The following GRM7 variants were observed in gnomAD, a reference collection of about 807,000 sequenced individuals.
GRM7 encodes the protein glutamate metabotropic receptor 7, also known as metabotropic glutamate receptor 7.
Under a neutral mutation model 84.5 loss-of-function variants are expected in GRM7, and 35 were observed. That is an observed-to-expected ratio of 0.41 (90% CI 0.32 to 0.55). The LOEUF is 0.55. GRM7 is among the 20% of genes least tolerant of loss of function. The probability of loss-of-function intolerance (pLI) is 0.19; values close to 1 mark genes in which losing one functional copy is unlikely to be tolerated. For synonymous variants in GRM7, 487 were observed against 455.1 expected (o/e 1.07, Z -0.89); for missense variants, 1,003 against 1,194.6 (o/e 0.84, Z 2.36).
chr3:7,610,447 A>AT (rs1377493921), intron 8 of GRM7, among the ~76,000 whole-genome samples: 1 of 152,166 alleles, frequency 6.6e-6, no homozygotes, highest in East Asian at 1.9e-4. Context: ...GATAGATAGG[A>AT]TTTTTTAATT....
chr3:7,229,747 ATATATATATATATTTTTT>A lies in GRM7; in HGVS notation c.737-68935_737-68918del, dbSNP rs1559514632. Among the ~76,000 whole-genome samples the A allele has an allele frequency of 1.3e-3, 39 of 29,766 alleles. 4 individuals are homozygous for A. Among genetic ancestry groups the A allele is most frequent in the Non-Finnish European group, 4.5e-4 (7 of 15,574 alleles). The allele number at this position is 29,766 out of a possible 152,430, so 19.5% of individuals were successfully genotyped here. A position where few individuals can be genotyped will look rare whatever the true frequency, so the allele number is the denominator to read the frequency against. The stretch of plus-strand genomic sequence containing the variant: ...CACACATATATATATATATATATAT[ATATATATATATATTTTTT>A]TTTTTTTTTGGTTGACAGGTGTTGA... On this transcript the variant is annotated intron_variant, in intron 2 of 9. Transcript: ENST00000357716.
At chr3:7,217,825 ATGTGTGTATATG>A (rs1248988099) in intron 2 of GRM7, among the ~76,000 whole-genome samples, 1 of 150,036 alleles carries the variant, frequency 6.7e-6, no homozygotes, top group African/African-American at 2.4e-5. Flanking sequence ...AGATGTATAG[ATGTGTGTATATG>A]TGTGTGTATA....
rs116359016 is a variant in GRM7 at position 7,646,683 on chromosome 3, T to C, written c.2452-33366T>C. On this transcript the variant is annotated intron_variant, in intron 8 of 9. Coordinates refer to ENST00000357716, the MANE Select transcript of GRM7 (RefSeq NM_000844.4). ...CAGCCACAAACCTTCCTGTGCTTCA[T>C]GGTGATTTTGGGGGGGAAGGTTATA... 3.8e-3 allele frequency among the ~76,000 whole-genome samples: 581 copies of C among 152,254 alleles called. 4 individuals carry two copies. The highest frequency in any genetic ancestry group is 0.013 in the African/African-American group (553 of 41,554).
At chr3:7,702,612 A>G (rs1253863182) in intron 9 of GRM7, among the ~76,000 whole-genome samples, 3 of 152,248 alleles carry the variant, frequency 2.0e-5, no homozygotes, top group African/African-American at 7.2e-5. Context: ...GCAAGTTATA[A>G]TTTCACTTAA....
chr3:7,384,402 C>T (rs921440966), intron 4 of GRM7, among the ~76,000 whole-genome samples: 6 of 152,150 alleles, frequency 3.9e-5, no homozygotes, highest in African/African-American at 1.4e-4. Context: ...CATCCACCAA[C>T]ATTTGGAATC....
At chr3:7,293,549 C>T (rs923422790) in intron 2 of GRM7, among the ~76,000 whole-genome samples, 2 of 152,174 alleles carry the variant, frequency 1.3e-5, no homozygotes, top group Non-Finnish European at 2.9e-5. Flanking sequence ...CCAGTTCTCC[C>T]TACTTGTTCG....
intron 2 of GRM7, among the ~76,000 whole-genome samples, chr3:7,181,664 G>A (rs767824401): frequency 3.1e-4 from 47 of 152,042 alleles, no homozygotes; most frequent in Middle Eastern, 3.4e-3. Context: ...GCTGGAGTGC[G>A]GTGGTGTGAT....
intron 7 of GRM7, among the ~76,000 whole-genome samples, chr3:7,462,140 T>G (rs775254837): frequency 7.2e-5 from 11 of 152,200 alleles, no homozygotes; most frequent in Non-Finnish European, 1.6e-4. Flanking sequence ...ATGTGAGATT[T>G]GTAATGGGAT....
chr3:7,649,188 G>C (rs943361672), intron 8 of GRM7, among the ~76,000 whole-genome samples: 2 of 151,962 alleles, frequency 1.3e-5, no homozygotes, highest in African/African-American at 4.8e-5. Flanking sequence ...TCCTGCCTCA[G>C]CCTCCCGAGT....
At chr3:7,256,540 G>C (rs908737396) in intron 2 of GRM7, among the ~76,000 whole-genome samples, 4 of 152,092 alleles carry the variant, frequency 2.6e-5, no homozygotes, top group African/African-American at 9.7e-5. Flanking sequence ...TCAGGGAGTT[G>C]TTATAGTGAA....
chr3:7,199,144 A>G (rs572494473), intron 2 of GRM7, among the ~76,000 whole-genome samples: 249 of 152,232 alleles, frequency 1.6e-3, no homozygotes, highest in African/African-American at 5.7e-3. Context: ...TGATTCATAG[A>G]AGGTTGTGGA....
At chr3:7,480,008 A>G (rs1202677786) in intron 7 of GRM7, among the ~76,000 whole-genome samples, 2 of 152,196 alleles carry the variant, frequency 1.3e-5, no homozygotes, top group African/African-American at 2.4e-5. Flanking sequence ...TTAGTGCACA[A>G]TGGATACCGC....
At chr3:6,901,863 C>T (rs1182507165) in intron 1 of GRM7, among the ~76,000 whole-genome samples, 1 of 151,766 alleles carries the variant, frequency 6.6e-6, no homozygotes, top group Non-Finnish European at 1.5e-5. Context: ...TTTTTCTAAG[C>T]ATCATAATAT....
rs145125078 is a variant in GRM7, at chr3:6,896,876, G to A, written c.519+34969G>A. On this transcript the variant is annotated intron_variant, in intron 1 of 9. Coordinates refer to ENST00000357716, the MANE Select transcript of GRM7 (RefSeq NM_000844.4). ...CTTCCTCACAAAGAGAATTTATTTC[G>A]TCTTCAACTGTGCTCCAACAATTGT... Among the ~76,000 whole-genome samples, 128 of 152,012 alleles carry A rather than the reference G, an allele frequency of 8.4e-4. 2 individuals are homozygous for A. The highest frequency in any genetic ancestry group is 6.0e-4 in the Non-Finnish European group (41 of 67,988).
At chr3:7,407,210 C>T (rs1695718322) in intron 4 of GRM7, among the ~76,000 whole-genome samples, 2 of 152,170 alleles carry the variant, frequency 1.3e-5, no homozygotes, top group African/African-American at 4.8e-5. Context: ...GCAGGAGCCT[C>T]CACTGTGCGC....
At chr3:7,545,400 G>A (rs955938915) in intron 7 of GRM7, among the ~76,000 whole-genome samples, 1 of 152,168 alleles carries the variant, frequency 6.6e-6, no homozygotes, top group Non-Finnish European at 1.5e-5. Flanking sequence ...CAAGAGTCTA[G>A]TGCTTGCCCC....
intron 2 of GRM7, among the ~76,000 whole-genome samples, chr3:7,179,606 G>C (rs1048234704): frequency 4.6e-5 from 7 of 152,200 alleles, no homozygotes; most frequent in African/African-American, 1.7e-4. Flanking sequence ...ATACTGGAGA[G>C]ACTTGTTTGA....
chr3:7,662,898 A>C (rs1203325613), intron 8 of GRM7, among the ~76,000 whole-genome samples: 1 of 152,210 alleles, frequency 6.6e-6, no homozygotes, highest in Non-Finnish European at 1.5e-5. Flanking sequence ...GTTTCAATTC[A>C]TAGTCATAGG....
intron 2 of GRM7, among the ~76,000 whole-genome samples, chr3:7,159,583 A>G (rs1694559674): frequency 6.6e-6 from 1 of 152,058 alleles, no homozygotes; most frequent in Non-Finnish European, 1.5e-5. Context: ...CATTTTCATC[A>G]TCTCTCCAAA....
Sources: gnomAD v4.1 joint callset for allele counts (sites outside exome capture counted in the v4.1 genomes callset) on GRCh38, gnomAD v4.1.1 for gene constraint, MANE v1.5 for transcripts, NCBI Gene and HGNC (gene_info 2026-07-23, HGNC 2026-07-21) for gene names.